Variants in PTPN12 observed in about 807,000 individuals in gnomAD.
The protein encoded by PTPN12 is protein tyrosine phosphatase non-receptor type 12.
In PTPN12, 29 loss-of-function variants were observed where a neutral mutation model predicts 97.6. The ratio of observed to expected loss-of-function variants is 0.30; its 90% CI spans 0.22 to 0.41. PTPN12 has a LOEUF of 0.41. Ranked by LOEUF, PTPN12 falls within the 10% of genes least tolerant of loss-of-function variation. The pLI, the probability that PTPN12 is intolerant of heterozygous loss-of-function variation, is 1.00. For missense variants in PTPN12, 819 were observed against 926.0 expected (o/e 0.88, Z 1.50); for synonymous variants, 327 against 300.4 (o/e 1.09, Z -0.91).
intron 1 of PTPN12, among the ~76,000 whole-genome samples, chr7:77,539,854 A>G (rs1352857394): frequency 2.0e-5 from 3 of 152,026 alleles, no homozygotes; most frequent in Non-Finnish European, 4.4e-5. Context: ...CTAATTTTGT[A>G]TTTTTAGTAG....
chr7:77,579,293 T>A (rs1787438072), intron 2 of PTPN12, among the ~76,000 whole-genome samples: 2 of 152,124 alleles, frequency 1.3e-5, no homozygotes, highest in African/African-American at 4.8e-5. Flanking sequence ...TGCCAATTTT[T>A]TTTGTATTTT....
At chr7:77,563,019 G>A (rs1584112507) in intron 1 of PTPN12, among the ~76,000 whole-genome samples, 1 of 148,208 alleles carries the variant, frequency 6.7e-6, no homozygotes, top group African/African-American at 2.5e-5. Flanking sequence ...TTTATGATTT[G>A]CCATATTTAT....
chr7:77,635,726 C>G (rs1470631861), intron 14 of PTPN12, 56 bp from the exon 15 acceptor site: 1 of 1,147,594 alleles, frequency 8.7e-7, no homozygotes. Context: ...TACTTTAATG[C>G]AAAGAAATTT....
At chr7:77,563,035 T>C (rs1808071898) in intron 1 of PTPN12, among the ~76,000 whole-genome samples, 1 of 152,160 alleles carries the variant, frequency 6.6e-6, no homozygotes, top group South Asian at 2.1e-4. Context: ...TTTATTATTT[T>C]AAAACATGAA....
In PTPN12 at chr7:77,548,355, A is replaced by G. The variant is rs371238360; in HGVS notation, c.99+10710A>G. On this transcript the variant is annotated intron_variant, in intron 1 of 17. Coordinates refer to ENST00000248594, the MANE Select transcript of PTPN12 (RefSeq NM_002835.4). ...GAGACTGCATTTGTGACCAGAACCA[A>G]CGTGAGAAAGGAAGGGAGTTCTAGG... 3.3e-5 allele frequency among the ~76,000 whole-genome samples: 5 copies of G among 152,348 alleles called. No homozygotes were observed. The East Asian group carries it at 9.6e-4, about 29-fold the overall frequency.
At chr7:77,575,019 A>G (rs145817183) in intron 2 of PTPN12, among the ~76,000 whole-genome samples, 2,784 of 151,984 alleles carry the variant, frequency 0.018, 33 homozygotes, top group Middle Eastern at 0.071. Context: ...TTTTTAGTAG[A>G]GACAGGGTTT....
At chr7:77,637,252 A>G (rs17155829) in intron 16 of PTPN12, among the ~76,000 whole-genome samples, 1,966 of 152,334 alleles carry the variant, frequency 0.013, 37 homozygotes, top group African/African-American at 0.045. Context: ...CTGGAAAATC[A>G]TGGGAGCATT....
chr7:77,549,775 T>A (rs1452874398), intron 1 of PTPN12, among the ~76,000 whole-genome samples: 2 of 152,018 alleles, frequency 1.3e-5, no homozygotes, highest in East Asian at 3.9e-4. Context: ...AGAGACGAGG[T>A]CTTACTATGT....
chr7:77,537,927 G>A, intron 1 of PTPN12: 1 of 638,340 alleles, frequency 1.6e-6, no homozygotes, highest in Non-Finnish European at 2.1e-6. Context: ...CGTGGCTCGC[G>A]ACCACCTATT....
intron 12 of PTPN12, among the ~76,000 whole-genome samples, chr7:77,621,069 TAA>T (rs34060279): frequency 2.5e-4 from 36 of 146,086 alleles, no homozygotes; most frequent in South Asian, 4.3e-4. Context: ...TATATATATA[TAA>T]AAATATGTGT....
intron 8 of PTPN12, among the ~76,000 whole-genome samples, chr7:77,605,520 A>G (rs998155867): frequency 6.9e-6 from 1 of 145,104 alleles, no homozygotes; most frequent in South Asian, 2.2e-4. Context: ...CCCAGGTTCA[A>G]GTGATTCTCC....
intron 11 of PTPN12, among the ~76,000 whole-genome samples, chr7:77,617,788 C>T (rs1359306032): frequency 6.6e-6 from 1 of 152,148 alleles, no homozygotes; most frequent in Non-Finnish European, 1.5e-5. Context: ...ATTCACAGTC[C>T]TAAACCTAAG....
At chr7:77,557,602 G>A (rs1025685588) in intron 1 of PTPN12, among the ~76,000 whole-genome samples, 2 of 151,964 alleles carry the variant, frequency 1.3e-5, no homozygotes, top group East Asian at 1.9e-4. Flanking sequence ...CAGTTCTGTG[G>A]CATTAGATAC....
intron 12 of PTPN12, among the ~76,000 whole-genome samples, chr7:77,623,543 TCTA>T (rs1789020314): frequency 6.6e-6 from 1 of 152,234 alleles, no homozygotes; most frequent in African/African-American, 2.4e-5. Context: ...AAACCCTGTC[TCTA>T]CTAAAAATAC....
intron 6 of PTPN12, among the ~76,000 whole-genome samples, chr7:77,596,527 C>T (rs186651090): frequency 1.9e-3 from 282 of 152,332 alleles, no homozygotes; most frequent in African/African-American, 6.4e-3. Flanking sequence ...CCACCTACCT[C>T]AGCCTCCCAA....
At chr7:77,581,231 G>C (rs1342118212) in intron 2 of PTPN12, among the ~76,000 whole-genome samples, 196 bp from the exon 3 acceptor site, 3 of 151,994 alleles carry the variant, frequency 2.0e-5, no homozygotes, top group Non-Finnish European at 2.9e-5. Context: ...TGCCTGCCAG[G>C]TGGTGGTTGT....
intron 1 of PTPN12, among the ~76,000 whole-genome samples, chr7:77,565,009 G>A (rs142882059): frequency 1.0e-3 from 156 of 152,098 alleles, no homozygotes; most frequent in African/African-American, 3.5e-3. Flanking sequence ...ACCAGCCTTG[G>A]CCTCCCAAAG....
In PTPN12 at chr7:77,551,163, C is replaced by T. The variant is rs777884211; in HGVS notation, c.99+13518C>T. Among the ~76,000 whole-genome samples, 108 of 152,224 alleles carry T rather than the reference C, an allele frequency of 7.1e-4. 1 individual carries two copies. The highest frequency in any genetic ancestry group is 1.4e-3 in the Non-Finnish European group (98 of 68,012). On this transcript the variant is annotated intron_variant, in intron 1 of 17. Coordinates refer to ENST00000248594, the MANE Select transcript of PTPN12 (RefSeq NM_002835.4). ...GCAGTCTCCGCCTCCTGGGTTCAAG[C>T]GATTCTCCAGCCTCAGCCTCCCAAG... is the stretch of plus-strand genomic sequence containing the variant.
At chr7:77,562,657 G>A (rs940227174) in intron 1 of PTPN12, among the ~76,000 whole-genome samples, 2 of 152,028 alleles carry the variant, frequency 1.3e-5, no homozygotes, top group Admixed American at 6.6e-5. Flanking sequence ...ATATATACAG[G>A]GACATTAGAT....
Sources: allele counts gnomAD v4.1 joint callset (sites outside exome capture counted in the v4.1 genomes callset), GRCh38; gene constraint gnomAD v4.1.1; transcripts MANE v1.5; gene names NCBI Gene and HGNC (gene_info 2026-07-23, HGNC 2026-07-21).